Variants in VPS33A observed in about 807,000 individuals in gnomAD.
The protein encoded by VPS33A is VPS33A core subunit of CORVET and HOPS complexes.
Under a neutral mutation model 71.8 loss-of-function variants are expected in VPS33A, and 32 were observed. The ratio of observed to expected loss-of-function variants is 0.45; its 90% CI spans 0.34 to 0.60. VPS33A has a LOEUF of 0.60. VPS33A is among the 20% of genes least tolerant of loss of function. The pLI is 0.02. For synonymous variants in VPS33A, 311 were observed against 292.7 expected (o/e 1.06, Z -0.64); for missense variants, 625 against 748.5 (o/e 0.84, Z 1.92).
chr12:122,255,620 G>A (rs1393192867), intron 4 of VPS33A, among the ~76,000 whole-genome samples: 1 of 146,324 alleles, frequency 6.8e-6, no homozygotes, highest in Non-Finnish European at 1.5e-5. Context: ...CAGGAGAATC[G>A]CTTGAACCTG....
intron 1 of VPS33A, among the ~76,000 whole-genome samples, chr12:122,265,336 ACACCATGAGT>A (rs1457330680): frequency 6.6e-6 from 1 of 152,118 alleles, no homozygotes; most frequent in Non-Finnish European, 1.5e-5. Flanking sequence ...GGACTTTTTG[ACACCATGAGT>A]CATTGCTTTG....
chr12:122,233,200 A>G (rs1954587251), intron 11 of VPS33A, among the ~76,000 whole-genome samples: 1 of 151,412 alleles, frequency 6.6e-6, no homozygotes, highest in Non-Finnish European at 1.5e-5. Context: ...GGTACAGAAG[A>G]TGAAGAATTA....
chr12:122,250,928 C>T, intron 5 of VPS33A, 55 bp downstream of exon 5: 2 of 1,296,740 alleles, frequency 1.5e-6, no homozygotes, highest in Non-Finnish European at 1.1e-6. Context: ...CGTTCCTCCT[C>T]CCTTTTGGGG....
In VPS33A at chr12:122,231,303, T is replaced by A. The variant is rs149577947; in HGVS notation, c.*943A>T. ...ATGGAACCTAAGGAGATGTAGCTGA[T>A]CACATAGAGCATAAACTTTGTTTCT... On this transcript the variant is annotated 3_prime_UTR_variant, in exon 13 of 13. Transcript: ENST00000267199. 2.6e-4 allele frequency: 39 copies of A among 152,322 alleles called. No homozygotes were observed. The highest frequency in any genetic ancestry group is 8.9e-4 in the African/African-American group (37 of 41,566). 9.4% of individuals were successfully genotyped at this position (152,322 alleles called of 1,614,324 possible).
At chr12:122,251,903 C>A (rs1345987433) in intron 4 of VPS33A, among the ~76,000 whole-genome samples, 1 of 149,904 alleles carries the variant, frequency 6.7e-6, no homozygotes, top group African/African-American at 2.5e-5. Context: ...TGCACATGTA[C>A]CCTAGAACTT....
Position 122,242,485 on chromosome 12 carries a change from C to T in VPS33A, c.993G>A (p.Val331=). 6.2e-7 allele frequency: 1 copy of T among 1,614,064 alleles called. No homozygotes were observed. The highest frequency in any genetic ancestry group is 2.2e-5 in the East Asian group (1 of 44,882). Residue 331 remains valine (V), a synonymous_variant, in exon 8 of 13, where the codon GTG becomes GTA. Transcript: ENST00000267199. ...GGGAAACAAACTGCTTGATCTCCCC[C>T]ACGGTCTTAGCATTGTGTCTTTCCT... ...AFEERHNAKT[V]GEIKQFVSQL...
chr12:122,237,690 C>G (rs978337131), intron 10 of VPS33A, among the ~76,000 whole-genome samples: 18 of 94,888 alleles, frequency 1.9e-4, no homozygotes, highest in African/African-American at 1.1e-3. Flanking sequence ...ACTACAGGCG[C>G]CCGCCACCGC....
rs1405157707 is a variant in VPS33A at position 122,232,072 on chromosome 12, A to G, written c.*174T>C. Reference sequence around the variant, plus strand: ...ACTCCGTCTCAAAGGAAAAAAAAAAAGGGAATACAAAAGAGACGGAGAAAG... The same window carrying G: ...ACTCCGTCTCAAAGGAAAAAAAAAAGGGGAATACAAAAGAGACGGAGAAAG... On this transcript the variant is annotated 3_prime_UTR_variant, in exon 13 of 13. Transcript: ENST00000267199. The G allele has an allele frequency of 2.5e-5, 15 of 594,572 alleles. No homozygotes were observed. Among genetic ancestry groups the G allele is most frequent in the Admixed American group, 7.3e-5 (2 of 27,580 alleles). The allele number at this position is 594,572 out of a possible 1,614,324, so 36.8% of individuals were successfully genotyped here.
chr12:122,261,300 A>G lies in VPS33A; in HGVS notation c.444T>C (p.Asp148=), dbSNP rs1390156695. 1 of 1,611,476 alleles carries G rather than the reference A, an allele frequency of 6.2e-7. No individual in the cohort carries two copies. The highest frequency in any genetic ancestry group is 1.7e-5 in the Admixed American group (1 of 58,954). Residue 148 remains aspartate, a synonymous_variant, in exon 4 of 13, where the codon GAT becomes GAC. Coordinates refer to ENST00000267199, the MANE Select transcript of VPS33A (RefSeq NM_022916.6). Reference sequence around the variant, plus strand: ...CTGATTCCATGGATAAGAGATCCCCATCGAATGGAATGAGATCTAAGCTGT... The same window carrying G: ...CTGATTCCATGGATAAGAGATCCCCGTCGAATGGAATGAGATCTAAGCTGT... ...EEYSLDLIPF[D]GDLLSMESEG... is the part of the protein sequence containing the mutation.
chr12:122,239,639 C>CAGG (rs1328341708), intron 9 of VPS33A, among the ~76,000 whole-genome samples: 2 of 149,482 alleles, frequency 1.3e-5, no homozygotes, highest in Non-Finnish European at 3.0e-5. Context: ...GAGGCTGAGG[C>CAGG]AGAATGGCGT....
intron 6 of VPS33A, among the ~76,000 whole-genome samples, chr12:122,246,331 G>A (rs947264865): frequency 4.1e-5 from 6 of 147,776 alleles, no homozygotes; most frequent in Non-Finnish European, 6.1e-5. Flanking sequence ...AGGGAGTCTC[G>A]CTCTCTCGCC....
chr12:122,236,691 G>A (rs1323253422), intron 10 of VPS33A, among the ~76,000 whole-genome samples: 2 of 152,130 alleles, frequency 1.3e-5, no homozygotes, highest in Non-Finnish European at 2.9e-5. Flanking sequence ...TCTATGAGCT[G>A]GGCACTGTTC....
chr12:122,255,863 G>C (rs1479518906), intron 4 of VPS33A, among the ~76,000 whole-genome samples: 1 of 152,090 alleles, frequency 6.6e-6, no homozygotes, highest in Non-Finnish European at 1.5e-5. Context: ...GAGTGCACTG[G>C]TGTGATCACA....
At chr12:122,243,939 A>G (rs1954745536) in intron 7 of VPS33A, among the ~76,000 whole-genome samples, 1 of 152,080 alleles carries the variant, frequency 6.6e-6, no homozygotes, top group East Asian at 1.9e-4. Flanking sequence ...AGAACTACAT[A>G]CTCAGTGAAA....
intron 8 of VPS33A, 106 bp from the exon 9 acceptor site, chr12:122,240,051 G>A (rs1954692303): frequency 1.1e-5 from 9 of 836,196 alleles, no homozygotes; most frequent in Non-Finnish European, 1.4e-5. Flanking sequence ...CATGTGGCTG[G>A]GCACGGTGGC....
intron 4 of VPS33A, among the ~76,000 whole-genome samples, chr12:122,252,321 T>C (rs1161943504): frequency 6.6e-6 from 1 of 151,650 alleles, no homozygotes; most frequent in Non-Finnish European, 1.5e-5. Context: ...CTGGCTGGAG[T>C]GCAGTGGCGC....
In VPS33A at chr12:122,232,395, A is replaced by G; in HGVS notation, c.1642T>C (p.Phe548Leu). The change falls in exon 13 of 13, where the codon TTT becomes CTT. Residue 548 changes from phenylalanine (F) to leucine (L), a missense_variant. By Grantham distance (22) the Phe-to-Leu change is conservative. Transcript: ENST00000267199. ...QPGENRVTLI[F>L]FLGGVTFAEI... is the part of the protein sequence containing the mutation. ...GCGAAGGTTACGCCCCCAAGGAAAA[A>G]TATCAGAGTCACTCGGTTTTCTCCC... The G allele has an allele frequency of 6.2e-7, 1 of 1,613,442 alleles. No homozygotes were observed. The highest frequency in any genetic ancestry group is 2.2e-5 in the East Asian group (1 of 44,884).
In VPS33A at chr12:122,232,232, C is replaced by T; in HGVS notation, c.*14G>A. ...TTATTCTGCAGTACACTTGTTAAGT[C>T]TCCTCTGAACATCCTAGAAAGGTTT... On this transcript the variant is annotated 3_prime_UTR_variant, in exon 13 of 13. Coordinates refer to ENST00000267199, the MANE Select transcript of VPS33A (RefSeq NM_022916.6). The T allele has an allele frequency of 6.3e-7, 1 of 1,599,480 alleles. No homozygotes were observed. The highest frequency in any genetic ancestry group is 8.5e-7 in the Non-Finnish European group (1 of 1,173,452).
In VPS33A at chr12:122,266,424, C is replaced by G. The variant is rs371640154; in HGVS notation, c.-16G>C. 1.8e-4 allele frequency: 283 copies of G among 1,604,344 alleles called. 1 individual carries two copies. The highest frequency in any genetic ancestry group is 2.3e-4 in the Non-Finnish European group (264 of 1,173,122). ...GAGCCGCCATCTTGCTCCACCACCC[C>G]CTGCCCCACAACGCCAACCGAGTCC... On this transcript the variant is annotated 5_prime_UTR_variant, in exon 1 of 13. Transcript: ENST00000267199.
Sources: allele counts gnomAD v4.1 joint callset (sites outside exome capture counted in the v4.1 genomes callset), GRCh38; gene constraint gnomAD v4.1.1; transcripts MANE v1.5; gene names NCBI Gene and HGNC (gene_info 2026-07-23, HGNC 2026-07-21).